Variants in ANXA4 observed in about 807,000 individuals in gnomAD.
The protein encoded by ANXA4 is 35-beta calcimedin.
A neutral mutation model predicts 49.8 loss-of-function variants in ANXA4; 39 were observed. The observed-to-expected ratio is 0.78, with a 90% confidence interval of 0.61 to 1.02. The LOEUF is 1.02. Among genes scored for constraint, ANXA4 ranks in the 50% least tolerant of loss-of-function variants. The pLI is 0.00. For synonymous variants in ANXA4, 134 were observed against 152.5 expected (o/e 0.88, Z 0.89); for missense variants, 360 against 410.1 (o/e 0.88, Z 1.05).
chr2:69,755,389 G>A (rs904421074), intron 1 of ANXA4, among the ~76,000 whole-genome samples: 11 of 152,328 alleles, frequency 7.2e-5, no homozygotes, highest in African/African-American at 2.6e-4. Context: ...GGAGGCCGAG[G>A]CTGGCAGATC....
In ANXA4 at chr2:69,747,939, C is replaced by T. The variant is rs563177989; in HGVS notation, c.-47+5764C>T. Among the ~76,000 whole-genome samples, 4 of 152,020 alleles carry T rather than the reference C, an allele frequency of 2.6e-5. No homozygotes were observed. In the East Asian group the frequency reaches 5.8e-4, roughly 22 times the overall value. On this transcript the variant is annotated intron_variant, in intron 1 of 12. Coordinates refer to ENST00000394295, the MANE Select transcript of ANXA4 (RefSeq NM_001153.5). Reference sequence around the variant, plus strand: ...GGGTGATCCTCCTGCCTTGGTCTCCCGAAGTGCTGGGATTACAGGCATGAA... The same window carrying T: ...GGGTGATCCTCCTGCCTTGGTCTCCTGAAGTGCTGGGATTACAGGCATGAA...
At chr2:69,674,393 A>T (rs1240483269) in intron 2 of ANXA4, 1 of 152,196 alleles carries the variant, frequency 6.6e-6, no homozygotes, top group Non-Finnish European at 1.5e-5. Context: ...CCATCCACCC[A>T]TATAAAACTT....
At chr2:69,693,344 G>A (rs1353082742) in intron 2 of ANXA4, among the ~76,000 whole-genome samples, 7 of 152,098 alleles carry the variant, frequency 4.6e-5, no homozygotes, top group Non-Finnish European at 8.8e-5. Flanking sequence ...GGCCGGAGAA[G>A]GAGCAGCTAA....
intron 3 of ANXA4, among the ~76,000 whole-genome samples, chr2:69,798,220 AATTCCCCTG>A: frequency 6.6e-6 from 1 of 152,292 alleles, no homozygotes; most frequent in East Asian, 1.9e-4. Flanking sequence ...TGGATCATGG[AATTCCCCTG>A]TCTGTAAAAA....
chr2:69,739,588 T>TA (rs1670333112), upstream of ANXA4, among the ~76,000 whole-genome samples: 1 of 150,498 alleles, frequency 6.6e-6, no homozygotes. Flanking sequence ...TTTTTTTTTT[T>TA]AAAGAGACAC....
intron 3 of ANXA4, among the ~76,000 whole-genome samples, chr2:69,789,225 C>T (rs940997167): frequency 6.6e-6 from 1 of 152,086 alleles, no homozygotes; most frequent in Non-Finnish European, 1.5e-5. Flanking sequence ...TTATTTTAGC[C>T]CCATTTTACA....
At chr2:69,687,154 G>A (rs1468914354) in intron 2 of ANXA4, among the ~76,000 whole-genome samples, 1 of 152,142 alleles carries the variant, frequency 6.6e-6, no homozygotes, top group Non-Finnish European at 1.5e-5. Context: ...AAGGATTAGG[G>A]CTCTAATTGG....
intron 2 of ANXA4, among the ~76,000 whole-genome samples, chr2:69,710,457 T>G (rs1678641444): frequency 6.6e-6 from 1 of 152,228 alleles, no homozygotes; most frequent in Non-Finnish European, 1.5e-5. Context: ...AGATTGTAAC[T>G]TGTTTCCAAT....
chr2:69,671,712 G>T (rs529109221), intron 2 of ANXA4, among the ~76,000 whole-genome samples: 14 of 152,202 alleles, frequency 9.2e-5, no homozygotes, highest in Non-Finnish European at 1.0e-4. Context: ...GATATAATGA[G>T]ACTCCATCTC....
chr2:69,674,787 A>G (rs1677330870), intron 2 of ANXA4, among the ~76,000 whole-genome samples: 1 of 152,166 alleles, frequency 6.6e-6, no homozygotes, highest in Non-Finnish European at 1.5e-5. Flanking sequence ...CTAAATTATT[A>G]ACCTGTGACT....
intron 2 of ANXA4, among the ~76,000 whole-genome samples, chr2:69,677,176 C>A: frequency 6.6e-6 from 1 of 151,924 alleles, no homozygotes; most frequent in Non-Finnish European, 1.5e-5. Context: ...CTCTTCTTTT[C>A]TTTGCTTAAT....
At chr2:69,656,243 A>G (rs1416181572) in intron 2 of ANXA4, among the ~76,000 whole-genome samples, 1 of 120,074 alleles carries the variant, frequency 8.3e-6, no homozygotes, top group African/African-American at 3.0e-5. Context: ...ATATATACGT[A>G]TATATATGTA....
At chr2:69,729,420 C>T (rs956503478) in intron 3 of ANXA4, among the ~76,000 whole-genome samples, 3 of 152,178 alleles carry the variant, frequency 2.0e-5, no homozygotes, top group South Asian at 2.1e-4. Flanking sequence ...CATGACTACA[C>T]GAGAAGAGAG....
intron 1 of ANXA4, among the ~76,000 whole-genome samples, chr2:69,650,706 G>A (rs955326059): frequency 3.3e-5 from 5 of 151,886 alleles, no homozygotes; most frequent in African/African-American, 2.4e-5. Flanking sequence ...CTCCTCCCTC[G>A]GCCTCCCAAA....
At chr2:69,661,782 T>C (rs1387172614) in intron 2 of ANXA4, among the ~76,000 whole-genome samples, 1 of 152,084 alleles carries the variant, frequency 6.6e-6, no homozygotes, top group African/African-American at 2.4e-5. Flanking sequence ...CGTCTGAAAG[T>C]GGGTGTGTAG....
Position 69,666,643 on chromosome 2 carries a change from A to G in ANXA4, n.766+13361A>G, listed in dbSNP as rs1001524154. 2.6e-5 allele frequency among the ~76,000 whole-genome samples: 4 copies of G among 152,256 alleles called. No individual in the cohort carries two copies. The South Asian group carries it at 6.2e-4, about 24-fold the overall frequency. On this transcript the variant is annotated intron_variant and non_coding_transcript_variant, in intron 2 of 3. Transcript: ENST00000418066. ...ATATGGAATATTCATACAATGCAAT[A>G]TTATTCTACAATGAAAAAGAATTAA... is the stretch of plus-strand genomic sequence containing the variant.
At chr2:69,668,414 C>T (rs1156302178) in intron 2 of ANXA4, among the ~76,000 whole-genome samples, 2 of 152,026 alleles carry the variant, frequency 1.3e-5, no homozygotes, top group Admixed American at 6.5e-5. Context: ...GAGTTAAGAC[C>T]AGCCTGGGGC....
intron 2 of ANXA4, among the ~76,000 whole-genome samples, chr2:69,661,005 A>C (rs1470091507): frequency 1.3e-5 from 2 of 152,196 alleles, no homozygotes; most frequent in Non-Finnish European, 2.9e-5. Flanking sequence ...TTTACTGACA[A>C]AGACATACAG....
intron 1 of ANXA4, among the ~76,000 whole-genome samples, chr2:69,761,828 G>T (rs1378551520): frequency 1.4e-5 from 2 of 146,346 alleles, no homozygotes; most frequent in East Asian, 3.9e-4. Flanking sequence ...TTTTTAACTA[G>T]AAAATAATTT....
Sources: gnomAD v4.1 joint callset for allele counts (sites outside exome capture counted in the v4.1 genomes callset) on GRCh38, gnomAD v4.1.1 for gene constraint, MANE v1.5 for transcripts, NCBI Gene and HGNC (gene_info 2026-07-23, HGNC 2026-07-21) for gene names.